The following CNTNAP2 variants were observed in gnomAD, a reference collection of about 807,000 sequenced individuals.
The protein encoded by CNTNAP2 is contactin associated protein 2, also known as contactin-associated protein-like 2.
Under a neutral mutation model 155.2 loss-of-function variants are expected in CNTNAP2, and 98 were observed. The observed-to-expected ratio is 0.63, with a 90% confidence interval of 0.54 to 0.75. CNTNAP2 has a LOEUF of 0.75. Ranked by LOEUF, CNTNAP2 falls within the 30% of genes least tolerant of loss-of-function variation. CNTNAP2 has a pLI of 0.00. For synonymous variants in CNTNAP2, 651 were observed against 631.2 expected (o/e 1.03, Z -0.47); for missense variants, 1,727 against 1,688.1 (o/e 1.02, Z -0.40).
intron 13 of CNTNAP2, among the ~76,000 whole-genome samples, chr7:147,657,956 C>G (rs1465041133): frequency 6.6e-6 from 1 of 152,116 alleles, no homozygotes; most frequent in Non-Finnish European, 1.5e-5. Context: ...CCAACGCTGT[C>G]TCTTAAGATA....
intron 8 of CNTNAP2, among the ~76,000 whole-genome samples, chr7:147,245,500 G>A (rs1032470039): frequency 3.9e-5 from 6 of 151,926 alleles, no homozygotes; most frequent in Non-Finnish European, 7.4e-5. Flanking sequence ...CACTTGAGAG[G>A]AAACCCATTT....
chr7:146,975,304 A>C (rs1448693541), intron 3 of CNTNAP2, among the ~76,000 whole-genome samples: 1 of 152,070 alleles, frequency 6.6e-6, no homozygotes, highest in Non-Finnish European at 1.5e-5. Flanking sequence ...GTCTCTACTA[A>C]AAATACAAAA....
chr7:147,852,656 A>C (rs189068387), intron 13 of CNTNAP2, among the ~76,000 whole-genome samples: 1 of 152,324 alleles, frequency 6.6e-6, no homozygotes, highest in Admixed American at 6.5e-5. Context: ...GCTAATTTCA[A>C]ATCTGTACCA....
chr7:146,242,740 G>T (rs1238276200), intron 1 of CNTNAP2, among the ~76,000 whole-genome samples: 3 of 151,978 alleles, frequency 2.0e-5, no homozygotes, highest in Non-Finnish European at 4.4e-5. Flanking sequence ...CAGTGTATTA[G>T]CCCATCCTAA....
At chr7:146,390,987 A>G (rs1405847664) in intron 1 of CNTNAP2, among the ~76,000 whole-genome samples, 1 of 90,396 alleles carries the variant, frequency 1.1e-5, no homozygotes, top group Non-Finnish European at 2.4e-5. Context: ...GAATTGCTTG[A>G]ACCTGGCAGG....
At chr7:146,313,161 T>C (rs114584702) in intron 1 of CNTNAP2, among the ~76,000 whole-genome samples, 4,295 of 152,296 alleles carry the variant, frequency 0.028, 87 homozygotes, top group African/African-American at 0.058. Context: ...TGTACTAATA[T>C]ACTTTCCCAT....
chr7:146,395,812 G>C (rs947221201), intron 1 of CNTNAP2, among the ~76,000 whole-genome samples: 18 of 141,304 alleles, frequency 1.3e-4, no homozygotes, highest in African/African-American at 5.5e-4. Flanking sequence ...TAGATAGATA[G>C]ATAGATAGAT....
At chr7:147,130,645 C>A (rs1016464790) in intron 7 of CNTNAP2, among the ~76,000 whole-genome samples, 3 of 152,048 alleles carry the variant, frequency 2.0e-5, no homozygotes, top group African/African-American at 7.2e-5. Context: ...AGCAACCCTG[C>A]AAAGACAAGT....
chr7:146,673,570 C>G (rs140464538), intron 1 of CNTNAP2, among the ~76,000 whole-genome samples: 2 of 152,158 alleles, frequency 1.3e-5, no homozygotes, highest in South Asian at 2.1e-4. Context: ...CATCCCATTA[C>G]GACAACCATA....
At chr7:146,707,384 G>C (rs367692771) in intron 1 of CNTNAP2, among the ~76,000 whole-genome samples, 59 of 152,242 alleles carry the variant, frequency 3.9e-4, no homozygotes, top group African/African-American at 1.4e-3. Context: ...CTTACTGGAA[G>C]GAGGCCTTCA....
At chr7:146,221,688 A>C (rs1423470703) in intron 1 of CNTNAP2, among the ~76,000 whole-genome samples, 1 of 152,232 alleles carries the variant, frequency 6.6e-6, no homozygotes, top group Non-Finnish European at 1.5e-5. Flanking sequence ...TTACTGAATG[A>C]CTAAAAAACC....
chr7:146,917,737 G>A (rs983615301), intron 3 of CNTNAP2, among the ~76,000 whole-genome samples: 12 of 152,020 alleles, frequency 7.9e-5, no homozygotes, highest in Non-Finnish European at 1.2e-4. Context: ...AAGATCTGAC[G>A]GTTTTATAAA....
At chr7:148,261,380 G>C (rs376355833) in intron 20 of CNTNAP2, among the ~76,000 whole-genome samples, 4 of 152,134 alleles carry the variant, frequency 2.6e-5, no homozygotes, top group African/African-American at 9.7e-5. Flanking sequence ...GGCTGGTCTC[G>C]AACTCCTGAC....
chr7:146,348,811 GATTATATATAATATATGTTATAT>G (rs1474549409), intron 1 of CNTNAP2, among the ~76,000 whole-genome samples: 1 of 148,264 alleles, frequency 6.7e-6, no homozygotes, highest in East Asian at 2.0e-4. Flanking sequence ...TTGTTCTCAT[GATTATATATAATATATGTTATAT>G]ATTATATATA....
rs149435620 is a variant in CNTNAP2 at position 146,668,487 on chromosome 7, T to G, written c.98-105784T>G. Among the ~76,000 whole-genome samples the G allele has an allele frequency of 8.2e-3, 1,249 of 151,410 alleles. 23 individuals are homozygous for G. The highest frequency in any genetic ancestry group is 0.028 in the African/African-American group (1,155 of 41,302). On this transcript the variant is annotated intron_variant, in intron 1 of 23. Transcript: ENST00000361727. ...GTGTGTGTGTGTCCTTATCTGGTTTTGTTATTAGATTTAGACTGGGCTTGC... is the reference window on the plus strand; with the variant it reads ...GTGTGTGTGTGTCCTTATCTGGTTTGGTTATTAGATTTAGACTGGGCTTGC...
intron 1 of CNTNAP2, among the ~76,000 whole-genome samples, chr7:146,714,282 C>T (rs146061282): frequency 1.3e-5 from 2 of 152,284 alleles, no homozygotes; most frequent in East Asian, 1.9e-4. Flanking sequence ...GTTGCTAGAA[C>T]GTATTTGTTC....
chr7:146,245,586 G>T (rs1247948551), intron 1 of CNTNAP2, among the ~76,000 whole-genome samples: 12 of 152,098 alleles, frequency 7.9e-5, no homozygotes, highest in Admixed American at 7.2e-4. Context: ...CCATGCCTAG[G>T]AAGGAAAGGA....
At chr7:148,033,234 G>T (rs986573321) in intron 15 of CNTNAP2, among the ~76,000 whole-genome samples, 2 of 151,884 alleles carry the variant, frequency 1.3e-5, no homozygotes, top group Non-Finnish European at 2.9e-5. Flanking sequence ...CATTATAATT[G>T]GGTAAAATAA....
At chr7:146,720,805 C>A (rs904635342) in intron 1 of CNTNAP2, among the ~76,000 whole-genome samples, 4 of 148,942 alleles carry the variant, frequency 2.7e-5, no homozygotes, top group Non-Finnish European at 4.5e-5. Context: ...ATACAGAATA[C>A]AAACAAAACT....
Sources: gnomAD v4.1 joint callset for allele counts (sites outside exome capture counted in the v4.1 genomes callset) on GRCh38, gnomAD v4.1.1 for gene constraint, MANE v1.5 for transcripts, NCBI Gene and HGNC (gene_info 2026-07-23, HGNC 2026-07-21) for gene names.